Variants in NTN1 observed in about 807,000 individuals in gnomAD.
NTN1 encodes netrin 1.
A neutral mutation model predicts 54.2 loss-of-function variants in NTN1; 11 were observed. The ratio of observed to expected loss-of-function variants is 0.20; its 90% CI spans 0.13 to 0.34. The LOEUF is 0.34. Among genes scored for constraint, NTN1 ranks in the 10% least tolerant of loss-of-function variants. The probability of loss-of-function intolerance (pLI) is 1.00; values close to 1 mark genes in which losing one functional copy is unlikely to be tolerated. For synonymous variants in NTN1, 371 were observed against 382.0 expected (o/e 0.97, Z 0.33); for missense variants, 740 against 893.1 (o/e 0.83, Z 2.18).
intron 2 of NTN1, among the ~76,000 whole-genome samples, chr17:9,057,714 T>C (rs1397990619): frequency 6.6e-6 from 1 of 152,200 alleles, no homozygotes; most frequent in Non-Finnish European, 1.5e-5. Context: ...GGCCCCACAA[T>C]CAGGTTCCAC....
intron 5 of NTN1, among the ~76,000 whole-genome samples, chr17:9,210,323 T>A (rs1056821278): frequency 6.6e-6 from 1 of 152,096 alleles, no homozygotes; most frequent in East Asian, 1.9e-4. Flanking sequence ...ACAGCCACCC[T>A]GGCTATGGCA....
At chr17:9,112,182 G>A (rs544820395) in intron 2 of NTN1, among the ~76,000 whole-genome samples, 215 of 152,344 alleles carry the variant, frequency 1.4e-3, no homozygotes, top group African/African-American at 4.7e-3. Context: ...GGGAGCCCCA[G>A]TGGGGCCAAG....
rs573032202 is a variant in NTN1, at chr17:9,124,124, T to TG, written c.1019-38688dup. 1.2e-4 allele frequency among the ~76,000 whole-genome samples: 19 copies of TG among 152,350 alleles called. No homozygotes were observed. In the East Asian group the frequency reaches 3.7e-3, roughly 29 times the overall value. On this transcript the variant is annotated intron_variant, in intron 2 of 6. Coordinates refer to ENST00000173229, the MANE Select transcript of NTN1 (RefSeq NM_004822.3). ...CTGGGTCTGCGTCACCAGGTCCCTC[T>TG]GTTCCATGACCACATCTCATAATCA...
chr17:9,181,120 C>G (rs1274884709), intron 4 of NTN1, among the ~76,000 whole-genome samples: 1 of 152,158 alleles, frequency 6.6e-6, no homozygotes, highest in Non-Finnish European at 1.5e-5. Context: ...GAGGCTGAAG[C>G]CTTGGGAACT....
At chr17:9,191,801 G>T (rs1346355427) in intron 5 of NTN1, among the ~76,000 whole-genome samples, 1 of 150,178 alleles carries the variant, frequency 6.7e-6, no homozygotes, top group African/African-American at 2.5e-5. Flanking sequence ...GCCAACGGGG[G>T]AGGATCTCTT....
intron 2 of NTN1, among the ~76,000 whole-genome samples, chr17:9,068,559 A>C (rs1457212515): frequency 6.8e-6 from 1 of 147,878 alleles, no homozygotes; most frequent in African/African-American, 2.5e-5. Flanking sequence ...CCCAGGCTGG[A>C]GTGCAATGGT....
At chr17:9,039,160 A>G (rs1044947334) in intron 2 of NTN1, among the ~76,000 whole-genome samples, 6 of 152,206 alleles carry the variant, frequency 3.9e-5, no homozygotes, top group African/African-American at 1.4e-4. Context: ...AGTATCTGGT[A>G]GGTTCAGTAT....
chr17:9,071,767 T>C (rs1446731245), intron 2 of NTN1, among the ~76,000 whole-genome samples: 1 of 152,226 alleles, frequency 6.6e-6, no homozygotes, highest in Non-Finnish European at 1.5e-5. Flanking sequence ...TCCCTACACC[T>C]TGGAAAGTGA....
rs1406031857 is a variant in NTN1 at position 9,188,428 on chromosome 17, C to CAA, written c.1411+5473_1411+5474dup. On this transcript the variant is annotated intron_variant, in intron 5 of 6. Transcript: ENST00000173229. ...GGGCAATAAGAGTAAAACTCCATCT[C>CAA]AAAAAAAAAAAAAAAGAGTGCTAAA... Among the ~76,000 whole-genome samples, 170 of 29,814 alleles carry CAA rather than the reference C, an allele frequency of 5.7e-3. 2 individuals are homozygous for CAA. The highest frequency in any genetic ancestry group is 0.021 in the African/African-American group (162 of 7,602). The allele number at this position is 29,814 out of a possible 152,430, so 19.6% of individuals were successfully genotyped here.
chr17:9,047,854 C>A (rs780383580), intron 2 of NTN1, among the ~76,000 whole-genome samples: 3 of 152,022 alleles, frequency 2.0e-5, no homozygotes, highest in Admixed American at 6.6e-5. Flanking sequence ...GCCACCACGC[C>A]TGGCTAATTT....
chr17:9,204,244 G>T (rs56829102), intron 5 of NTN1, among the ~76,000 whole-genome samples: 4 of 134,148 alleles, frequency 3.0e-5, no homozygotes, highest in Non-Finnish European at 6.2e-5. Context: ...CTCTTCCTCT[G>T]TTTCTCTCTC....
rs1477843526 is a variant in NTN1, at chr17:9,162,959, C to T, written c.1165C>T (p.Arg389Cys). ...HCHYCKEGYY[R>C]DMGKPITHRK... is the part of the protein sequence containing the mutation. ...CCATTACTGCAAGGAGGGCTACTAC[C>T]GCGACATGGGCAAGCCCATCACCCA... is the stretch of plus-strand genomic sequence containing the variant. Residue 389 changes from arginine (R) to cysteine (C), a missense_variant, in exon 3 of 7, where the codon CGC becomes TGC. Physicochemically the swap from Arg to Cys is radical, Grantham distance 180. Coordinates refer to ENST00000173229, the MANE Select transcript of NTN1 (RefSeq NM_004822.3). 4.3e-6 allele frequency: 7 copies of T among 1,613,342 alleles called. No individual in the cohort carries two copies. The highest frequency in any genetic ancestry group is 1.3e-5 in the African/African-American group (1 of 74,904).
chr17:9,110,904 G>GCAGAAA (rs1320688248), intron 2 of NTN1, among the ~76,000 whole-genome samples: 1 of 146,526 alleles, frequency 6.8e-6, no homozygotes, highest in Admixed American at 6.8e-5. Flanking sequence ...CCATTATTGG[G>GCAGAAA]TTTAGGGACC....
intron 5 of NTN1, among the ~76,000 whole-genome samples, chr17:9,202,994 T>C (rs1490094166): frequency 6.6e-6 from 1 of 152,228 alleles, no homozygotes; most frequent in Non-Finnish European, 1.5e-5. Context: ...CGATCTCCGC[T>C]CACTGCAAGC....
chr17:9,082,226 A>C (rs568148293), intron 2 of NTN1, among the ~76,000 whole-genome samples: 2 of 152,124 alleles, frequency 1.3e-5, no homozygotes, highest in African/African-American at 4.8e-5. Flanking sequence ...CATCCGGCTA[A>C]TTTTTTGTAT....
chr17:9,194,634 C>G (rs1485043634), intron 5 of NTN1, among the ~76,000 whole-genome samples: 1 of 152,156 alleles, frequency 6.6e-6, no homozygotes, highest in Non-Finnish European at 1.5e-5. Flanking sequence ...AGCACCTACC[C>G]TCTGGCCAGT....
At chr17:9,049,097 C>T (rs1661886228) in intron 2 of NTN1, among the ~76,000 whole-genome samples, 1 of 152,010 alleles carries the variant, frequency 6.6e-6, no homozygotes, top group Admixed American at 6.6e-5. Flanking sequence ...AATCACTGTC[C>T]ACTGATTTCA....
chr17:9,027,655 T>A (rs2091875584), intron 2 of NTN1, among the ~76,000 whole-genome samples: 1 of 152,206 alleles, frequency 6.6e-6, no homozygotes. Context: ...TTTTACATCA[T>A]ATTATTATAT....
intron 2 of NTN1, among the ~76,000 whole-genome samples, chr17:9,102,515 C>T (rs4791783): frequency 0.73 from 110,493 of 152,074 alleles, 40,555 homozygotes; most frequent in East Asian, 0.96. Context: ...ATTATGGGAA[C>T]GACAATTCAA....
Sources: allele counts gnomAD v4.1 joint callset (sites outside exome capture counted in the v4.1 genomes callset), GRCh38; gene constraint gnomAD v4.1.1; transcripts MANE v1.5; gene names NCBI Gene and HGNC (gene_info 2026-07-23, HGNC 2026-07-21).